Variants in ZKSCAN8 observed in about 807,000 individuals in gnomAD.
The protein encoded by ZKSCAN8 is zinc finger protein with KRAB and SCAN domains 8.
In ZKSCAN8, 27 loss-of-function variants were observed where a neutral mutation model predicts 57.2. That is an observed-to-expected ratio of 0.47 (90% CI 0.35 to 0.65). ZKSCAN8 has a LOEUF of 0.65. Among genes scored for constraint, ZKSCAN8 ranks in the 30% least tolerant of loss-of-function variants. The pLI, the probability that ZKSCAN8 is intolerant of heterozygous loss-of-function variation, is 0.01. For missense variants in ZKSCAN8, 597 were observed against 696.3 expected, an observed-to-expected ratio of 0.86 and a Z score of 1.60; for synonymous variants, 214 against 248.7, an observed-to-expected ratio of 0.86 and a Z score of 1.31.
rs1370508020 is a variant in ZKSCAN8, at chr6:28,144,148, A to G, written c.-93+2119A>G. Among the ~76,000 whole-genome samples, 1 of 152,054 alleles carries G rather than the reference A, an allele frequency of 6.6e-6. No homozygotes were observed. Among genetic ancestry groups the G allele is most frequent in the Non-Finnish European group, 1.5e-5 (1 of 68,010 alleles). On this transcript the variant is annotated intron_variant, in intron 1 of 5. Transcript: ENST00000330236. The surrounding 1 kb of genome is among the most constrained non-coding windows in gnomAD (Gnocchi z 4.5). Reference sequence around the variant, plus strand: ...CCGGCCTTGTCTAACTTGAAAAATAATTTTCAAATTCCCTTTCTTTTCTGT... The same window carrying G: ...CCGGCCTTGTCTAACTTGAAAAATAGTTTTCAAATTCCCTTTCTTTTCTGT...
rs904240112 is a variant in ZKSCAN8, at chr6:28,144,449, T to C, written c.-93+2420T>C. On this transcript the variant is annotated intron_variant, in intron 1 of 5. Coordinates refer to ENST00000330236, the MANE Select transcript of ZKSCAN8 (RefSeq NM_006298.4). The surrounding 1 kb of genome is among the most constrained non-coding windows in gnomAD (Gnocchi z 4.5). ...TGTATGTACAGTAATCTGATTTTTT[T>C]CCTAAGTACCTATCTCTTCTTTGTG... The C allele has an allele frequency of 5.3e-5, 8 of 152,250 alleles. No homozygotes were observed. Among genetic ancestry groups the C allele is most frequent in the Non-Finnish European group, 1.0e-4 (7 of 68,056 alleles). The allele number at this position is 152,250 out of a possible 1,614,324, so 9.4% of individuals were successfully genotyped here. A position where few individuals can be genotyped will look rare whatever the true frequency, so the allele number is the denominator to read the frequency against.
At chr6:28,149,741 C>T in intron 3 of ZKSCAN8, 117 bp downstream of exon 3, 1 of 1,164,732 alleles carries the variant, frequency 8.6e-7, no homozygotes, top group Non-Finnish European at 1.2e-6. Flanking sequence ...AGACCAGTCC[C>T]AAAGTCTGTG....
In ZKSCAN8 at chr6:28,153,629, T is replaced by C. The variant is rs776289727; in HGVS notation, c.1349T>C (p.Ile450Thr). ...GCTTTCAGTCATAGCTCACACCTCA[T>C]TGGACATCAGAGAATCCACACTGGG... ...GKAFSHSSHL[I>T]GHQRIHTGEK... The change falls in exon 6 of 6, where the codon ATT becomes ACT. Residue 450 changes from isoleucine to threonine, a missense_variant. By Grantham distance (89) the Ile-to-Thr change is moderately conservative. Transcript: ENST00000330236. The C allele has an allele frequency of 8.7e-6, 14 of 1,613,896 alleles. No homozygotes were observed. The East Asian group carries it at 1.1e-4, about 13-fold the overall frequency.
Position 28,148,335 on chromosome 6 carries a change from CCCT to C in ZKSCAN8, c.-71_-69del. ...ATGAAGAAGTACCCTTAGAAAGAGG[CCCT>C]CAGAAGAGTCTTCTCTTAAGAAGAT... is the stretch of plus-strand genomic sequence containing the variant. On this transcript the variant is annotated 5_prime_UTR_variant, in exon 2 of 6. Transcript: ENST00000330236. 1 of 1,464,674 alleles carries C rather than the reference CCCT, an allele frequency of 6.8e-7. No homozygotes were observed. Among genetic ancestry groups the C allele is most frequent in the South Asian group, 1.4e-5 (1 of 73,394 alleles). The allele number at this position is 1,464,674 out of a possible 1,614,324, so 90.7% of individuals were successfully genotyped here.
chr6:28,142,571 A>C (rs1047714194), intron 1 of ZKSCAN8, among the ~76,000 whole-genome samples: 3 of 151,316 alleles, frequency 2.0e-5, no homozygotes, highest in African/African-American at 7.3e-5. Context: ...AGAATTCAAC[A>C]TTATCAGAAT....
chr6:28,150,841 C>G (rs1765567392), intron 3 of ZKSCAN8, among the ~76,000 whole-genome samples: 1 of 152,146 alleles, frequency 6.6e-6, no homozygotes, highest in African/African-American at 2.4e-5. Flanking sequence ...GAGTCTCACT[C>G]TGTCATCCAG....
intron 1 of ZKSCAN8, among the ~76,000 whole-genome samples, chr6:28,145,394 A>C (rs1765359068): frequency 6.6e-6 from 1 of 152,218 alleles, no homozygotes; most frequent in South Asian, 2.1e-4. Flanking sequence ...TAAAGTAGAT[A>C]TAGCCAGCCA....
At position 28,153,975 on chromosome 6, in the gene ZKSCAN8, G is replaced by A; in HGVS notation, c.1695G>A (p.Gln565=). 6.2e-7 allele frequency: 1 copy of A among 1,610,430 alleles called. No individual in the cohort carries two copies. Among genetic ancestry groups the A allele is most frequent in the Non-Finnish European group, 8.5e-7 (1 of 1,178,682 alleles). The stretch of plus-strand genomic sequence containing the variant: ...AGAGGTCAAGTCTCATTCGACATCA[G>A]AGAATCCACAGTGGTGAAAAATCTG... ...FIQRSSLIRH[Q]RIHSGEKSES... is the part of the protein sequence containing the mutation. The change falls in exon 6 of 6, where the codon CAG becomes CAA. Residue 565 remains glutamine (Q), a synonymous_variant. Coordinates refer to ENST00000330236, the MANE Select transcript of ZKSCAN8 (RefSeq NM_006298.4).
intron 2 of ZKSCAN8, 113 bp downstream of exon 2, chr6:28,148,937 A>T: frequency 8.1e-7 from 1 of 1,233,532 alleles, no homozygotes; most frequent in Non-Finnish European, 1.1e-6. Flanking sequence ...CTGTTGGATA[A>T]GGATGACAAT....
intron 3 of ZKSCAN8, among the ~76,000 whole-genome samples, chr6:28,151,088 G>C (rs866768502): frequency 3.9e-5 from 6 of 152,178 alleles, no homozygotes; most frequent in South Asian, 2.1e-4. Context: ...TTACAGCCAT[G>C]AGCCACTGTG....
At chr6:28,143,071 A>T (rs557648884) in intron 1 of ZKSCAN8, among the ~76,000 whole-genome samples, 1 of 152,346 alleles carries the variant, frequency 6.6e-6, no homozygotes, top group African/African-American at 2.4e-5. Context: ...TTTAAAATCC[A>T]GAGGAAGCTT....
intron 1 of ZKSCAN8, among the ~76,000 whole-genome samples, chr6:28,147,759 G>A (rs1391714909): frequency 4.6e-5 from 7 of 152,196 alleles, no homozygotes; most frequent in South Asian, 2.1e-4. Context: ...TGGAGGTCAC[G>A]TCCATAGTAG....
In ZKSCAN8 at chr6:28,156,140, A is replaced by G. The variant is rs867023332; in HGVS notation, c.*2123A>G. The G allele has an allele frequency of 6.5e-5, 26 of 398,264 alleles. No individual in the cohort carries two copies. Among genetic ancestry groups the G allele is most frequent in the Non-Finnish European group, 1.0e-4 (23 of 225,938 alleles). 24.7% of individuals were successfully genotyped at this position (398,264 alleles called of 1,614,324 possible). A position where few individuals can be genotyped will look rare whatever the true frequency, so the allele number is the denominator to read the frequency against. ...TTACATATGATGGGTGCATTGTCAG[A>G]GGGAAAATATATGTGTATGTACACA... On this transcript the variant is annotated 3_prime_UTR_variant, in exon 6 of 6. Coordinates refer to ENST00000330236, the MANE Select transcript of ZKSCAN8 (RefSeq NM_006298.4).
intron 2 of ZKSCAN8, among the ~76,000 whole-genome samples, chr6:28,149,226 G>A (rs555522990): frequency 6.6e-6 from 1 of 152,238 alleles, no homozygotes; most frequent in South Asian, 2.1e-4. Flanking sequence ...TCTGCCTTAG[G>A]AGTACAAAAT....
chr6:28,149,375 C>T, intron 2 of ZKSCAN8, 108 bp from the exon 3 acceptor site: 1 of 1,392,316 alleles, frequency 7.2e-7, no homozygotes, highest in Non-Finnish European at 9.8e-7. Flanking sequence ...GATTCTGCTG[C>T]TTCCTTCCCC....
chr6:28,143,259 C>T (rs1765275983), intron 1 of ZKSCAN8, among the ~76,000 whole-genome samples: 1 of 152,040 alleles, frequency 6.6e-6, no homozygotes, highest in African/African-American at 2.4e-5. Flanking sequence ...GGTTGTAATT[C>T]TCAAAAACCA....
chr6:28,151,725 G>C, intron 3 of ZKSCAN8, 120 bp from the exon 4 acceptor site: 1 of 789,290 alleles, frequency 1.3e-6, no homozygotes, highest in Non-Finnish European at 2.1e-6. Context: ...CACTTCATGT[G>C]CAAAATCTTT....
chr6:28,149,072 T>C (rs1432728462), intron 2 of ZKSCAN8, among the ~76,000 whole-genome samples: 2 of 152,230 alleles, frequency 1.3e-5, no homozygotes, highest in Non-Finnish European at 2.9e-5. Context: ...GGGAACTTGA[T>C]GCATAGGAAG....
In ZKSCAN8 at chr6:28,153,885, A is replaced by G. The variant is rs750063211; in HGVS notation, c.1605A>G (p.Gln535=). The part of the protein sequence containing the change: ...KAFNGNTGLI[Q]HLRIHTGEKP... The stretch of plus-strand genomic sequence containing the variant: ...TCAATGGGAACACTGGTCTCATTCA[A>G]CACCTGAGAATTCACACAGGGGAGA... Residue 535 remains glutamine (Q), a synonymous_variant, in exon 6 of 6, where the codon CAA becomes CAG. Coordinates refer to ENST00000330236, the MANE Select transcript of ZKSCAN8 (RefSeq NM_006298.4). The G allele has an allele frequency of 4.3e-6, 7 of 1,613,782 alleles. No homozygotes were observed. Among genetic ancestry groups the G allele is most frequent in the Non-Finnish European group, 5.9e-6 (7 of 1,179,964 alleles).
Sources: gnomAD v4.1 joint callset for allele counts (sites outside exome capture counted in the v4.1 genomes callset) on GRCh38, gnomAD v4.1.1 for gene constraint, Gnocchi (gnomAD v3.1) non-coding constraint, MANE v1.5 for transcripts, NCBI Gene and HGNC (gene_info 2026-07-23, HGNC 2026-07-21) for gene names.